The following SLC43A2 variants were observed in gnomAD, a reference collection of about 807,000 sequenced individuals.
SLC43A2 encodes solute carrier family 43 member 2, also known as large neutral amino acids transporter small subunit 4.
SLC43A2 carries 38 observed loss-of-function variants against 63.2 expected under a neutral mutation model. The ratio of observed to expected loss-of-function variants is 0.60; its 90% CI spans 0.46 to 0.79. SLC43A2 has a LOEUF of 0.79. Ranked by LOEUF, SLC43A2 falls within the 30% of genes least tolerant of loss-of-function variation. The pLI, the probability that SLC43A2 is intolerant of heterozygous loss-of-function variation, is 0.00. For missense variants in SLC43A2, 644 were observed against 756.2 expected (o/e 0.85, Z 1.74); for synonymous variants, 322 against 331.0 (o/e 0.97, Z 0.30).
At chr17:1,587,466 C>A (rs2076122478) in intron 9 of SLC43A2, among the ~76,000 whole-genome samples, 1 of 152,250 alleles carries the variant, frequency 6.6e-6, no homozygotes, top group Non-Finnish European at 1.5e-5. Flanking sequence ...ATGGCCAGAG[C>A]TGGTCTCCCT....
In SLC43A2 at chr17:1,582,121, C is replaced by G. The variant is rs1054539210; in HGVS notation, c.1350+1083G>C. Reference sequence around the variant, plus strand: ...CTGAGACAGAGTCTCACTCTGTCATCCAGGCTGGAGTGCAGTGGCGCGATC... The same window carrying G: ...CTGAGACAGAGTCTCACTCTGTCATGCAGGCTGGAGTGCAGTGGCGCGATC... On this transcript the variant is annotated intron_variant, in intron 11 of 13. Coordinates refer to ENST00000301335, the MANE Select transcript of SLC43A2 (RefSeq NM_152346.3). 3.4e-4 allele frequency among the ~76,000 whole-genome samples: 52 copies of G among 151,782 alleles called. No homozygotes were observed. In the Middle Eastern group the frequency reaches 0.01, roughly 30 times the overall value.
At chr17:1,589,657 T>A (rs1904565468) in intron 9 of SLC43A2, among the ~76,000 whole-genome samples, 1 of 152,174 alleles carries the variant, frequency 6.6e-6, no homozygotes, top group Non-Finnish European at 1.5e-5. Context: ...TCGCACTCTG[T>A]CGCCCAGGCT....
At position 1,587,461 on chromosome 17, in the gene SLC43A2, C is replaced by G. The variant is rs1377258225; in HGVS notation, c.1079-1410G>C. Among the ~76,000 whole-genome samples, 6 of 152,230 alleles carry G rather than the reference C, an allele frequency of 3.9e-5. No individual in the cohort carries two copies. The East Asian group carries it at 1.2e-3, about 29-fold the overall frequency. ...ACACCATGGGTCTCCTCCAGATGGC[C>G]AGAGCTGGTCTCCCTTCCACTCCAA... On this transcript the variant is annotated intron_variant, in intron 9 of 13. Coordinates refer to ENST00000301335, the MANE Select transcript of SLC43A2 (RefSeq NM_152346.3).
Position 1,576,103 on chromosome 17 carries a change from C to T in SLC43A2, c.1549-338G>A, listed in dbSNP as rs569106172. ...TTTTTTTTTTTTTTTTTTTTTGAGA[C>T]GAAGTCTCGCGCTGTCGTCATTCAG... On this transcript the variant is annotated intron_variant, in intron 13 of 13. Transcript: ENST00000301335. 1.2e-4 allele frequency among the ~76,000 whole-genome samples: 14 copies of T among 113,552 alleles called. No individual in the cohort carries two copies. The South Asian group carries it at 1.9e-3, about 16-fold the overall frequency. 74.5% of individuals were successfully genotyped at this position (113,552 alleles called of 152,430 possible). A position where few individuals can be genotyped will look rare whatever the true frequency, so the allele number is the denominator to read the frequency against.
chr17:1,602,648 A>G (rs1430735363), intron 5 of SLC43A2, among the ~76,000 whole-genome samples: 1 of 152,084 alleles, frequency 6.6e-6, no homozygotes, highest in African/African-American at 2.4e-5. Flanking sequence ...TCTTGTCTCA[A>G]AAATTAATAA....
intron 11 of SLC43A2, among the ~76,000 whole-genome samples, chr17:1,580,205 A>G (rs2003109): frequency 0.47 from 71,351 of 152,174 alleles, 18,063 homozygotes; most frequent in African/African-American, 0.64. Context: ...GGCGTGAGCC[A>G]CCGTGCCCGG....
intron 9 of SLC43A2, chr17:1,586,926 A>G: frequency 4.0e-5 from 48 of 1,214,286 alleles, no homozygotes; most frequent in South Asian, 5.2e-5. Context: ...ATTCCCTGAC[A>G]ATCCCCCCCA....
At chr17:1,595,158 A>G (rs560864145) in intron 5 of SLC43A2, among the ~76,000 whole-genome samples, 8 of 151,910 alleles carry the variant, frequency 5.3e-5, no homozygotes, top group African/African-American at 1.9e-4. Flanking sequence ...GCAGGCGCCT[A>G]TAATCCCAGC....
rs368305832 is a variant in SLC43A2, at chr17:1,586,092, C to T, written c.1079-41G>A. 15 of 1,539,210 alleles carry T rather than the reference C, an allele frequency of 9.7e-6. No homozygotes were observed. In the African/African-American group the frequency reaches 1.6e-4, roughly 17 times the overall value. On this transcript the variant is annotated intron_variant, in intron 9 of 13. Coordinates refer to ENST00000301335, the MANE Select transcript of SLC43A2 (RefSeq NM_152346.3). ...CTGCGTCATGGGGACGCCTGGCAGA[C>T]AGCCCTGGAGCAGGGACTGGGCACC... is the stretch of plus-strand genomic sequence containing the variant.
chr17:1,614,960 G>A lies in SLC43A2; in HGVS notation c.424+19C>T. On this transcript the variant is annotated intron_variant, in intron 4 of 13. Coordinates refer to ENST00000301335, the MANE Select transcript of SLC43A2 (RefSeq NM_152346.3). ...CTCTCCCCGGTCCCTGACAGAAGATGGAGGGAGAGGACACTCACCGTTTGG... is the reference window on the plus strand; with the variant it reads ...CTCTCCCCGGTCCCTGACAGAAGATAGAGGGAGAGGACACTCACCGTTTGG... The A allele has an allele frequency of 2.5e-6, 4 of 1,613,300 alleles. No individual in the cohort carries two copies. The highest frequency in any genetic ancestry group is 3.4e-6 in the Non-Finnish European group (4 of 1,179,454).
rs770427863 is a variant in SLC43A2, at chr17:1,591,252, C to T, written c.931+17G>A. The stretch of plus-strand genomic sequence containing the variant: ...GCACTCCCTGCCCGTCGCCCGGCTG[C>T]GGTCTCAGGCGGGTACCTGCGGCAT... On this transcript the variant is annotated intron_variant, in intron 8 of 13. Transcript: ENST00000301335. 1.9e-5 allele frequency: 31 copies of T among 1,599,930 alleles called. No homozygotes were observed. The highest frequency in any genetic ancestry group is 1.8e-4 in the Middle Eastern group (1 of 5,488).
chr17:1,591,247 G>A (rs376929622), intron 8 of SLC43A2, 22 bp downstream of exon 8: 71 of 1,599,130 alleles, frequency 4.4e-5, no homozygotes, highest in African/African-American at 2.1e-4. Flanking sequence ...CCCGTCGCCC[G>A]GCTGCGGTCT....
Position 1,575,347 on chromosome 17 carries a change from C to T in SLC43A2, c.*257G>A. ...GCTCCTGCTGCAGGCACCACAGAGA[C>T]CCCAGGCCCCGGGTCCCCGGGGGGC... On this transcript the variant is annotated 3_prime_UTR_variant, in exon 14 of 14. Coordinates refer to ENST00000301335, the MANE Select transcript of SLC43A2 (RefSeq NM_152346.3). 1 of 549,566 alleles carries T rather than the reference C, an allele frequency of 1.8e-6. No individual in the cohort carries two copies. Among genetic ancestry groups the T allele is most frequent in the Non-Finnish European group, 3.2e-6 (1 of 309,686 alleles). The allele number at this position is 549,566 out of a possible 1,614,324, so 34.0% of individuals were successfully genotyped here.
At chr17:1,594,257 A>G (rs1905077281) in intron 5 of SLC43A2, among the ~76,000 whole-genome samples, 1 of 152,196 alleles carries the variant, frequency 6.6e-6, no homozygotes, top group Non-Finnish European at 1.5e-5. Context: ...CACTCTCGGC[A>G]TCTCACATCA....
chr17:1,611,297 A>G (rs1907078381), intron 5 of SLC43A2, among the ~76,000 whole-genome samples: 1 of 152,126 alleles, frequency 6.6e-6, no homozygotes, highest in Non-Finnish European at 1.5e-5. Flanking sequence ...GACTAAAATA[A>G]TGGAGGTGAG....
At chr17:1,615,935 C>T (rs999083656) in intron 3 of SLC43A2, among the ~76,000 whole-genome samples, 5 of 149,442 alleles carry the variant, frequency 3.3e-5, no homozygotes, top group Non-Finnish European at 7.4e-5. Context: ...CCCAGCTACT[C>T]GGGAGGGTGA....
chr17:1,584,033 C>T (rs113210533), intron 10 of SLC43A2, among the ~76,000 whole-genome samples: 2,771 of 151,990 alleles, frequency 0.018, 75 homozygotes, highest in African/African-American at 0.062. Flanking sequence ...GTAGCTGGGA[C>T]TACAGGCACG....
chr17:1,602,761 T>G (rs1906177732), intron 5 of SLC43A2, among the ~76,000 whole-genome samples: 2 of 149,628 alleles, frequency 1.3e-5, no homozygotes, highest in South Asian at 4.2e-4. Context: ...TTTTTCAGTT[T>G]TTTTTTTTTT....
At chr17:1,585,629 C>T in intron 10 of SLC43A2, 3 of 1,298,048 alleles carry the variant, frequency 2.3e-6, no homozygotes, top group Non-Finnish European at 3.0e-6. Flanking sequence ...CTCAAGTGAT[C>T]TTCCTACCCC....
Sources: allele counts gnomAD v4.1 joint callset (sites outside exome capture counted in the v4.1 genomes callset), GRCh38; gene constraint gnomAD v4.1.1; transcripts MANE v1.5; gene names NCBI Gene and HGNC (gene_info 2026-07-23, HGNC 2026-07-21).